Variants in SCFD2 observed in about 807,000 individuals in gnomAD.
SCFD2 encodes the protein sec1 family domain containing 2.
In SCFD2, 54 loss-of-function variants were observed where a neutral mutation model predicts 58.9. That is an observed-to-expected ratio of 0.92 (90% confidence interval 0.74 to 1.15). The LOEUF (loss-of-function observed/expected upper bound fraction) is 1.15. Ranked by LOEUF, SCFD2 falls within the 50% of genes most tolerant of loss-of-function variation. The pLI, the probability that SCFD2 is intolerant of heterozygous loss-of-function variation, is 0.00. For synonymous variants in SCFD2, 321 were observed against 335.9 expected (o/e 0.96, Z 0.49); for missense variants, 805 against 836.6 (o/e 0.96, Z 0.47).
intron 8 of SCFD2, among the ~76,000 whole-genome samples, chr4:52,878,287 G>T (rs1718527650): frequency 1.3e-5 from 2 of 152,222 alleles, no homozygotes; most frequent in Admixed American, 1.3e-4. Flanking sequence ...AGGGAGTGTA[G>T]CCACGGTCAC....
chr4:53,009,836 T>G (rs901058118), intron 5 of SCFD2, among the ~76,000 whole-genome samples: 4 of 152,326 alleles, frequency 2.6e-5, no homozygotes, highest in Non-Finnish European at 5.9e-5. Context: ...GGAACAAGTT[T>G]GGAAGCAGCA....
intron 8 of SCFD2, among the ~76,000 whole-genome samples, chr4:52,879,212 T>C (rs2109440470): frequency 6.6e-6 from 1 of 152,248 alleles, no homozygotes; most frequent in East Asian, 1.9e-4. Flanking sequence ...CCCGCAGTGC[T>C]CAGAGCTTGG....
At chr4:53,225,830 TA>T (rs1464949853) in intron 4 of SCFD2, among the ~76,000 whole-genome samples, 2 of 152,236 alleles carry the variant, frequency 1.3e-5, no homozygotes, top group East Asian at 3.8e-4. Context: ...CACTAAGCCA[TA>T]CTATTATCAA....
intron 7 of SCFD2, among the ~76,000 whole-genome samples, chr4:52,899,227 G>A (rs905226203): frequency 6.6e-6 from 1 of 152,174 alleles, no homozygotes; most frequent in Admixed American, 6.5e-5. Flanking sequence ...TTTAGTTGAT[G>A]CAGTTTCTTC....
At chr4:53,231,879 G>A (rs1729451248) in intron 4 of SCFD2, among the ~76,000 whole-genome samples, 4 of 151,866 alleles carry the variant, frequency 2.6e-5, no homozygotes, top group African/African-American at 9.7e-5. Context: ...ATATATTAAA[G>A]TTTCATGTAA....
At chr4:52,972,383 C>T (rs1373724388) in intron 5 of SCFD2, among the ~76,000 whole-genome samples, 3 of 152,130 alleles carry the variant, frequency 2.0e-5, no homozygotes, top group Non-Finnish European at 2.9e-5. Context: ...TCGGATAAAA[C>T]AGACTTTAAA....
chr4:52,970,760 C>T lies in SCFD2; in HGVS notation c.1562-49890G>A, dbSNP rs536351849. ...ACCCCCGAGTAGCCTAACTGGGAGG[C>T]ATCCCCCAGTAGGGGCAGACTGACA... is the stretch of plus-strand genomic sequence containing the variant. On this transcript the variant is annotated intron_variant, in intron 5 of 8. Transcript: ENST00000401642. Among the ~76,000 whole-genome samples, 222 of 152,354 alleles carry T rather than the reference C, an allele frequency of 1.5e-3. 2 individuals carry two copies. The Middle Eastern group carries it at 0.017, about 12-fold the overall frequency.
intron 8 of SCFD2, among the ~76,000 whole-genome samples, chr4:52,884,022 C>T (rs950109684): frequency 6.6e-6 from 1 of 152,200 alleles, no homozygotes; most frequent in African/African-American, 2.4e-5. Context: ...TCCAACAACA[C>T]AGACTGTTCC....
At chr4:53,142,453 C>A (rs1354965762) in intron 5 of SCFD2, among the ~76,000 whole-genome samples, 1 of 152,162 alleles carries the variant, frequency 6.6e-6, no homozygotes, top group Non-Finnish European at 1.5e-5. Flanking sequence ...CACTCAGTAA[C>A]AAGAAAGCCA....
At chr4:52,877,699 C>T (rs1450648728) in intron 8 of SCFD2, among the ~76,000 whole-genome samples, 1 of 152,248 alleles carries the variant, frequency 6.6e-6, no homozygotes, top group East Asian at 1.9e-4. Context: ...GCATCCCCGG[C>T]TGCATCCTTC....
chr4:53,355,207 A>G (rs1409103427), intron 1 of SCFD2, among the ~76,000 whole-genome samples: 5 of 152,242 alleles, frequency 3.3e-5, no homozygotes, highest in Non-Finnish European at 1.5e-5. Context: ...CCTCTGGAGA[A>G]TCCTGACTAA....
chr4:53,176,604 A>G (rs1225041938), intron 4 of SCFD2, among the ~76,000 whole-genome samples: 2 of 152,218 alleles, frequency 1.3e-5, no homozygotes, highest in African/African-American at 2.4e-5. Context: ...AGCCTTCTAG[A>G]CCACTGTTCT....
chr4:53,354,129 A>T (rs1419886405), intron 1 of SCFD2, among the ~76,000 whole-genome samples: 3 of 152,250 alleles, frequency 2.0e-5, no homozygotes, highest in African/African-American at 4.8e-5. Flanking sequence ...GCTGCGGAGC[A>T]GGGGACAGTG....
rs527781260 is a variant in SCFD2 at position 53,262,845 on chromosome 4, T to A, written c.1311+10981A>T. ...TTCCTCAATTATTCCCTCAAATATG[T>A]TTTCCAAACTCTTAGATTTCTCTTC... On this transcript the variant is annotated intron_variant, in intron 4 of 8. Transcript: ENST00000401642. Among the ~76,000 whole-genome samples the A allele has an allele frequency of 4.6e-5, 7 of 152,336 alleles. No individual in the cohort carries two copies. In the South Asian group the frequency reaches 1.2e-3, roughly 27 times the overall value.
rs1718409401 is a variant in SCFD2, at chr4:52,873,975, G to A, written c.2049C>T (p.Gly683=). The A allele has an allele frequency of 1.9e-6, 3 of 1,613,252 alleles. No homozygotes were observed. The highest frequency in any genetic ancestry group is 2.5e-6 in the Non-Finnish European group (3 of 1,179,288). Residue 683 remains glycine (G), a synonymous_variant, in exon 9 of 9, where the codon GGC becomes GGT. Transcript: ENST00000401642. ...FATDRLHPDL[G]F is the part of the protein sequence containing the mutation. ...TTATCTTCTTAGCGGATGCTCAGAA[G>A]CCAAGGTCTGGATGCAGTCGGTCAG...
chr4:52,945,756 ATAACG>A (rs1720408762), intron 5 of SCFD2: 1 of 152,224 alleles, frequency 6.6e-6, no homozygotes, highest in African/African-American at 2.4e-5. Context: ...GCCATGAAAA[ATAACG>A]TAAGTTTCAA....
At position 53,041,648 on chromosome 4, in the gene SCFD2, T is replaced by G. The variant is rs77146361; in HGVS notation, c.1561+103685A>C. Among the ~76,000 whole-genome samples, 124 of 152,270 alleles carry G rather than the reference T, an allele frequency of 8.1e-4. 1 individual carries two copies. Among genetic ancestry groups the G allele is most frequent in the African/African-American group, 2.7e-3 (113 of 41,570 alleles). ...AGAAAGAATGATCCACATTGTTTCT[T>G]CAAAATGCCTTTGAAAATGGAAGTG... On this transcript the variant is annotated intron_variant, in intron 5 of 8. Transcript: ENST00000401642.
chr4:53,298,454 G>A (rs1289085803), intron 3 of SCFD2, among the ~76,000 whole-genome samples: 5 of 152,202 alleles, frequency 3.3e-5, no homozygotes, highest in African/African-American at 9.6e-5. Context: ...CAGGAAGCTC[G>A]AACTGGGTGG....
intron 4 of SCFD2, among the ~76,000 whole-genome samples, chr4:53,151,439 T>C (rs1726502461): frequency 6.6e-6 from 1 of 152,206 alleles, no homozygotes; most frequent in African/African-American, 2.4e-5. Context: ...CCTCAGTCAC[T>C]ATGCGCAAAA....
Sources: allele counts gnomAD v4.1 joint callset (sites outside exome capture counted in the v4.1 genomes callset), GRCh38; gene constraint gnomAD v4.1.1; transcripts MANE v1.5; gene names NCBI Gene and HGNC (gene_info 2026-07-23, HGNC 2026-07-21).